The following SMARCD2 variants were observed in gnomAD, a reference collection of about 807,000 sequenced individuals.
The protein encoded by SMARCD2 is SWI/SNF-related matrix-associated actin-dependent regulator of chromatin subfamily D member 2.
SMARCD2 carries 39 observed loss-of-function variants against 70.4 expected under a neutral mutation model. The ratio of observed to expected loss-of-function variants is 0.55; its 90% CI spans 0.43 to 0.72. The LOEUF (loss-of-function observed/expected upper bound fraction) is 0.72. Among genes scored for constraint, SMARCD2 ranks in the 30% least tolerant of loss-of-function variants. The pLI is 0.00. For missense variants in SMARCD2, 540 were observed against 713.4 expected, an observed-to-expected ratio of 0.76 and a Z score of 2.77; for synonymous variants, 249 against 279.4, an observed-to-expected ratio of 0.89 and a Z score of 1.08.
In SMARCD2 at chr17:63,840,848, G is replaced by A. The variant is rs144369105; in HGVS notation, c.216+1611C>T. On this transcript the variant is annotated intron_variant, in intron 1 of 12. Coordinates refer to ENST00000448276, the MANE Select transcript of SMARCD2 (RefSeq NM_001098426.2). ...AGACTCAGGGCCATCTCCTACTTCCGCACAGCTAGCAGCCCAGGCCTAACC... is the reference window on the plus strand; with the variant it reads ...AGACTCAGGGCCATCTCCTACTTCCACACAGCTAGCAGCCCAGGCCTAACC... 5.3e-3 allele frequency among the ~76,000 whole-genome samples: 814 copies of A among 152,276 alleles called. 5 individuals carry two copies. Among genetic ancestry groups the A allele is most frequent in the African/African-American group, 0.018 (738 of 41,554 alleles).
chr17:63,836,588 G>T (rs1262686237), intron 4 of SMARCD2, among the ~76,000 whole-genome samples: 1 of 151,766 alleles, frequency 6.6e-6, no homozygotes, highest in African/African-American at 2.4e-5. Context: ...TAGTCTAGTG[G>T]TTTTCAAACT....
chr17:63,838,555 A>T, intron 1 of SMARCD2: 1 of 1,364,080 alleles, frequency 7.3e-7, no homozygotes, highest in Non-Finnish European at 9.6e-7. Flanking sequence ...GCTGAGCAGC[A>T]GGAAAGTGGG....
intron 1 of SMARCD2, among the ~76,000 whole-genome samples, chr17:63,840,680 C>T (rs1425763164): frequency 6.6e-6 from 1 of 152,148 alleles, no homozygotes; most frequent in African/African-American, 2.4e-5. Flanking sequence ...ATCTCAAGTC[C>T]CTTCTCCTGG....
Position 63,833,407 on chromosome 17 carries a change from A to G in SMARCD2, c.1331T>C (p.Ile444Thr), listed in dbSNP as rs201042716. 122 of 1,613,896 alleles carry G rather than the reference A, an allele frequency of 7.6e-5. No homozygotes were observed. The highest frequency in any genetic ancestry group is 4.9e-4 in the Middle Eastern group (3 of 6,084). The stretch of plus-strand genomic sequence containing the variant: ...GGTCTTCAGCTGGTTGATGGACTCA[A>G]TGGTCTCATGGATCTGGAGAGGGTA... ...ASLDVKIHET[I>T]ESINQLKTQR... Residue 444 changes from isoleucine (I) to threonine (T), a missense_variant, in exon 11 of 13, where the codon ATT (isoleucine) becomes ACT (threonine). Ile to Thr is a moderately conservative substitution (Grantham distance 89). Transcript: ENST00000448276. This position sits in a 1 kb window ranked among gnomAD's most constrained non-coding sequence, Gnocchi z 4.3.
chr17:63,834,617 C>T lies in SMARCD2; in HGVS notation c.820-42G>A, dbSNP rs9914042. 8.1e-3 allele frequency: 12,672 copies of T among 1,572,686 alleles called. 877 individuals carry two copies. In the African/African-American group the frequency reaches 0.15, roughly 18 times the overall value. On this transcript the variant is annotated intron_variant, in intron 6 of 12. Transcript: ENST00000448276. The surrounding 1 kb of genome is among the most constrained non-coding windows in gnomAD (Gnocchi z 5.6). The stretch of plus-strand genomic sequence containing the variant: ...CATGGCTTATCACCAAGGGGGTGGG[C>T]GTGAACACAGGGCCTCCCAAGGGCC...
At chr17:63,835,656 A>G (rs781040170) in intron 4 of SMARCD2, 89 bp from the exon 5 acceptor site, 11 of 1,304,446 alleles carry the variant, frequency 8.4e-6, no homozygotes, top group Non-Finnish European at 1.1e-5. Flanking sequence ...CCATTCAACA[A>G]TCAGTACTGA....
chr17:63,841,626 T>C (rs1904465823), intron 1 of SMARCD2, among the ~76,000 whole-genome samples: 1 of 152,232 alleles, frequency 6.6e-6, no homozygotes. Context: ...GCAAGGGCTT[T>C]TGAAGCTGCA....
In SMARCD2 at chr17:63,837,242, G is replaced by A. The variant is rs1335420226; in HGVS notation, c.402-5C>T. On this transcript the variant is annotated splice_region_variant and splice_polypyrimidine_tract_variant and intron_variant, in intron 2 of 12. Transcript: ENST00000448276. The surrounding 1 kb of genome is among the most constrained non-coding windows in gnomAD (Gnocchi z 6.4). ...GCCATCTTCCTCCTCTTTAACCTGG[G>A]GAGGACAGAAACCCACTTAAGAGGT... 1 of 1,613,554 alleles carries A rather than the reference G, an allele frequency of 6.2e-7. No individual in the cohort carries two copies. Among genetic ancestry groups the A allele is most frequent in the Non-Finnish European group, 8.5e-7 (1 of 1,179,738 alleles).
At chr17:63,840,452 G>A (rs1231650296) in intron 1 of SMARCD2, among the ~76,000 whole-genome samples, 1 of 151,902 alleles carries the variant, frequency 6.6e-6, no homozygotes, top group Non-Finnish European at 1.5e-5. Context: ...AGGATTACAG[G>A]TGTGAGCCCA....
At chr17:63,838,369 G>A (rs1245592433) in intron 1 of SMARCD2, among the ~76,000 whole-genome samples, 1 of 152,042 alleles carries the variant, frequency 6.6e-6, no homozygotes, top group Non-Finnish European at 1.5e-5. Flanking sequence ...GACCCCAGAA[G>A]GGAAGCTATG....
At chr17:63,835,754 G>T in intron 4 of SMARCD2, 187 bp from the exon 5 acceptor site, 2 of 468,896 alleles carry the variant, frequency 4.3e-6, no homozygotes, top group Non-Finnish European at 7.5e-6. Context: ...TTTAGACATG[G>T]TCTCACTCTG....
chr17:63,836,785 A>T, intron 4 of SMARCD2, 137 bp downstream of exon 4: 1 of 736,604 alleles, frequency 1.4e-6, no homozygotes, highest in Admixed American at 2.3e-5. Context: ...CATTCAACTG[A>T]GTTCGTACTC....
At position 63,833,205 on chromosome 17, in the gene SMARCD2, C is replaced by T. The variant is rs113106008; in HGVS notation, c.1441-35G>A. ...GCCAGGAGGAAAGCCATAGCATAAT[C>T]CCCACCCCTGGGCTAATCCACCCTG... On this transcript the variant is annotated intron_variant, in intron 11 of 12. Transcript: ENST00000448276. This position sits in a 1 kb window ranked among gnomAD's most constrained non-coding sequence, Gnocchi z 4.3. 21 of 1,609,084 alleles carry T rather than the reference C, an allele frequency of 1.3e-5. No individual in the cohort carries two copies. In the Middle Eastern group the frequency reaches 4.9e-4, roughly 38 times the overall value.
Position 63,833,595 on chromosome 17 carries a change from C to A in SMARCD2, c.1309G>T (p.Asp437Tyr). 6.2e-7 allele frequency: 1 copy of A among 1,614,010 alleles called. No homozygotes were observed. The highest frequency in any genetic ancestry group is 8.5e-7 in the Non-Finnish European group (1 of 1,179,886). ...GGAGCCAGAGGGCCCACCTTGACATCAAGGGAGGCGATCTCCTGCTGATTG... is the reference window on the plus strand; with the variant it reads ...GGAGCCAGAGGGCCCACCTTGACATAAAGGGAGGCGATCTCCTGCTGATTG... ...TTNQQEIASL[D>Y]VKIHETIESI... The change falls in exon 10 of 13, where the codon GAT becomes TAT. Residue 437 changes from aspartate to tyrosine, a missense_variant. Asp to Tyr is a radical substitution (Grantham distance 160). Coordinates refer to ENST00000448276, the MANE Select transcript of SMARCD2 (RefSeq NM_001098426.2). The surrounding 1 kb of genome is among the most constrained non-coding windows in gnomAD (Gnocchi z 4.3).
At chr17:63,838,595 A>G in intron 1 of SMARCD2, 1 of 1,479,974 alleles carries the variant, frequency 6.8e-7, no homozygotes. Context: ...AGATGCCTGC[A>G]GAAGGATTTC....
rs2040219821 is a variant in SMARCD2, at chr17:63,833,373, ATC to A, written c.1363_1364del (p.Asp455PhefsTer6). ...GGTCGGTGCTAAAACTGAGCATGAA[ATC>A]TCTCTGGGTCTTCAGCTGGTTGATG... ...ESINQLKTQR[D>X]FMLSFSTDPQ... On this transcript the variant is annotated frameshift_variant, in exon 11 of 13. Coordinates refer to ENST00000448276, the MANE Select transcript of SMARCD2 (RefSeq NM_001098426.2). LOFTEE classifies it high-confidence loss of function. The surrounding 1 kb of genome is among the most constrained non-coding windows in gnomAD (Gnocchi z 4.3). 5.0e-6 allele frequency: 8 copies of A among 1,613,906 alleles called. No individual in the cohort carries two copies. The highest frequency in any genetic ancestry group is 6.8e-6 in the Non-Finnish European group (8 of 1,179,886).
chr17:63,838,586 G>A (rs934349614), intron 1 of SMARCD2: 1 of 1,448,850 alleles, frequency 6.9e-7, no homozygotes, highest in Admixed American at 2.5e-5. Context: ...AGCTTCTTTA[G>A]ATGCCTGCAG....
chr17:63,835,223 A>G (rs2040250383), intron 5 of SMARCD2, 189 bp downstream of exon 5: 1 of 593,048 alleles, frequency 1.7e-6, no homozygotes, highest in Non-Finnish European at 2.9e-6. Context: ...CCTGGGCTCA[A>G]GCCATCCTCC....
At chr17:63,839,452 G>C (rs755646554) in intron 1 of SMARCD2, among the ~76,000 whole-genome samples, 14 of 152,020 alleles carry the variant, frequency 9.2e-5, no homozygotes, top group Middle Eastern at 3.2e-3. Context: ...AGGTTTCCTG[G>C]GCCCAGAGCC....
Sources: gnomAD v4.1 joint callset for allele counts (sites outside exome capture counted in the v4.1 genomes callset) on GRCh38, gnomAD v4.1.1 for gene constraint, Gnocchi (gnomAD v3.1) non-coding constraint, MANE v1.5 for transcripts, NCBI Gene and HGNC (gene_info 2026-07-23, HGNC 2026-07-21) for gene names.